Variants in CLCN6 observed in about 807,000 individuals in gnomAD.
CLCN6 encodes the protein Cl-/H+ antiporter 6.
CLCN6 carries 70 observed loss-of-function variants against 109.8 expected under a neutral mutation model. The ratio of observed to expected loss-of-function variants is 0.64; its 90% CI spans 0.53 to 0.78. The LOEUF (loss-of-function observed/expected upper bound fraction) is 0.78. Among genes scored for constraint, CLCN6 ranks in the 30% least tolerant of loss-of-function variants. The probability of loss-of-function intolerance (pLI) is 0.00; values close to 1 mark genes in which losing one functional copy is unlikely to be tolerated. For missense variants in CLCN6, 984 were observed against 1,142.3 expected (o/e 0.86, Z 2.00); for synonymous variants, 444 against 447.8 (o/e 0.99, Z 0.11).
At position 11,838,557 on chromosome 1, in the gene CLCN6, C is replaced by G. The variant is rs1038441546; in HGVS notation, c.2426C>G (p.Pro809Arg). The change falls in exon 22 of 23, where the codon CCT (proline) becomes CGT (arginine). Residue 809 changes from proline (P) to arginine (R), a missense_variant. Transcript: ENST00000346436. ...CAGGATGTCACCCCATACATGAACC[C>G]TTCGCCTTTCACCGTCTCGCCCAAC... Reference protein sequence around the residue: ...MIVDVTPYMNPSPFTVSPNTH... With the variant: ...MIVDVTPYMNRSPFTVSPNTH... 10 of 1,611,216 alleles carry G rather than the reference C, an allele frequency of 6.2e-6. No homozygotes were observed. The highest frequency in any genetic ancestry group is 8.5e-6 in the Non-Finnish European group (10 of 1,177,642).
At chr1:11,838,808 C>A in intron 22 of CLCN6, 148 bp downstream of exon 22, 2 of 1,157,722 alleles carry the variant, frequency 1.7e-6, no homozygotes, top group Non-Finnish European at 2.6e-6. Flanking sequence ...CCCTGCTCGG[C>A]TTCCGTGCAC....
intron 2 of CLCN6, among the ~76,000 whole-genome samples, chr1:11,814,037 G>A (rs1644637082): frequency 1.3e-5 from 2 of 151,980 alleles, no homozygotes; most frequent in Non-Finnish European, 2.9e-5. Flanking sequence ...GGTACTCCAG[G>A]ACTCATAAAA....
At position 11,819,553 on chromosome 1, in the gene CLCN6, A is replaced by T. The variant is rs751537921; in HGVS notation, c.345A>T (p.Thr115=). The T allele has an allele frequency of 1.9e-6, 3 of 1,613,950 alleles. No individual in the cohort carries two copies. In the East Asian group the frequency reaches 6.7e-5, roughly 36 times the overall value. ...AACTCAAGTTCGGAGTGGTACAGAC[A>T]TGTATCCTTTTCACGGTTCCTGGTG... ...FTQLKFGVVQ[T]SVEECSQKGC... The change falls in exon 5 of 23, where the codon ACA becomes ACT. Residue 115 remains threonine, a splice_region_variant and synonymous_variant. Transcript: ENST00000346436.
Position 11,834,418 on chromosome 1 carries a change from C to T in CLCN6, c.1686+23C>T, listed in dbSNP as rs1557432764. The T allele has an allele frequency of 6.2e-7, 1 of 1,613,184 alleles. No homozygotes were observed. The highest frequency in any genetic ancestry group is 1.1e-5 in the South Asian group (1 of 91,018). On this transcript the variant is annotated intron_variant, in intron 16 of 22. Transcript: ENST00000346436. This position sits in a 1 kb window ranked among gnomAD's most constrained non-coding sequence, Gnocchi z 4.5. ...ATGGTGAGCACACTCCCTCCAGGCC[C>T]CTGTCAGGCTCAGGGCCACGTCCGC...
Position 11,837,067 on chromosome 1 carries a change from C to T in CLCN6, c.2049C>T (p.Ser683=). 1 of 1,613,466 alleles carries T rather than the reference C, an allele frequency of 6.2e-7. No individual in the cohort carries two copies. Among genetic ancestry groups the T allele is most frequent in the South Asian group, 1.1e-5 (1 of 91,086 alleles). The change falls in exon 19 of 23, where the codon TCC becomes TCT. Residue 683 remains serine, a synonymous_variant. Coordinates refer to ENST00000346436, the MANE Select transcript of CLCN6 (RefSeq NM_001286.5). ...GCCAGTCCATGAAGTCCTACCCATCCAGCGAGCTACGGAACATGTGTGATG... is the reference window on the plus strand; with the variant it reads ...GCCAGTCCATGAAGTCCTACCCATCTAGCGAGCTACGGAACATGTGTGATG... ...KRSQSMKSYP[S]SELRNMCDEH...
chr1:11,834,492 A>G lies in CLCN6; in HGVS notation c.1695A>G (p.Lys565=). The change falls in exon 17 of 23, where the codon AAA becomes AAG. Residue 565 remains lysine (K), a synonymous_variant. Coordinates refer to ENST00000346436, the MANE Select transcript of CLCN6 (RefSeq NM_001286.5). The surrounding 1 kb of genome is among the most constrained non-coding windows in gnomAD (Gnocchi z 4.5). Reference sequence around the variant, plus strand: ...TTTGCTTTGTGTTTCAGGTGGCCAAATGGACAGGGGACTTTTTCAATAAGG... The same window carrying G: ...TTTGCTTTGTGTTTCAGGTGGCCAAGTGGACAGGGGACTTTTTCAATAAGG... ...LPIMVTLMVA[K]WTGDFFNKGI... 1 of 1,614,094 alleles carries G rather than the reference A, an allele frequency of 6.2e-7. No homozygotes were observed. The highest frequency in any genetic ancestry group is 1.3e-5 in the African/African-American group (1 of 75,024).
intron 13 of CLCN6, among the ~76,000 whole-genome samples, chr1:11,831,115 G>A (rs1049178323): frequency 3.3e-5 from 5 of 151,800 alleles, no homozygotes; most frequent in Non-Finnish European, 7.4e-5. Flanking sequence ...TTACAGGTGT[G>A]TCACCACGCC....
chr1:11,809,417 G>A (rs993540844), intron 2 of CLCN6, among the ~76,000 whole-genome samples: 1 of 152,056 alleles, frequency 6.6e-6, no homozygotes, highest in African/African-American at 2.4e-5. Context: ...TAATGTGCTT[G>A]CCTTCAGCTG....
intron 20 of CLCN6, among the ~76,000 whole-genome samples, chr1:11,837,730 G>A (rs937278659): frequency 2.9e-4 from 44 of 152,164 alleles, no homozygotes; most frequent in African/African-American, 8.7e-4. Flanking sequence ...CCAGGGCAGC[G>A]CTCCCTGGCT....
At position 11,838,527 on chromosome 1, in the gene CLCN6, C is replaced by T. The variant is rs760622022; in HGVS notation, c.2404-8C>T. 1 of 1,607,506 alleles carries T rather than the reference C, an allele frequency of 6.2e-7. No individual in the cohort carries two copies. Among genetic ancestry groups the T allele is most frequent in the Non-Finnish European group, 8.5e-7 (1 of 1,174,534 alleles). On this transcript the variant is annotated splice_polypyrimidine_tract_variant and splice_region_variant and intron_variant, in intron 21 of 22. Coordinates refer to ENST00000346436, the MANE Select transcript of CLCN6 (RefSeq NM_001286.5). Reference sequence around the variant, plus strand: ...TCAGGCAGTCAGTGACACGTGGTCTCTTTGCAGGATGTCACCCCATACATG... The same window carrying T: ...TCAGGCAGTCAGTGACACGTGGTCTTTTTGCAGGATGTCACCCCATACATG...
At position 11,827,048 on chromosome 1, in the gene CLCN6, G is replaced by C. The variant is rs556919677; in HGVS notation, c.708-41G>C. 412 of 1,605,322 alleles carry C rather than the reference G, an allele frequency of 2.6e-4. 6 individuals carry two copies. The South Asian group carries it at 4.4e-3, about 17-fold the overall frequency. ...GTCAGAAACCACCTTTTGGGGGCTG[G>C]GGGCTCTTTATTGGATAACCCGTCT... On this transcript the variant is annotated intron_variant, in intron 9 of 22. Coordinates refer to ENST00000346436, the MANE Select transcript of CLCN6 (RefSeq NM_001286.5).
At chr1:11,807,221 A>G (rs1387260307) in intron 2 of CLCN6, 31 bp downstream of exon 2, 9 of 1,591,996 alleles carry the variant, frequency 5.7e-6, no homozygotes, top group Non-Finnish European at 6.9e-6. Context: ...TTGGGCAACT[A>G]AAGTAGTGAG....
intron 3 of CLCN6, 35 bp from the exon 4 acceptor site, chr1:11,816,580 C>CT: frequency 6.3e-7 from 1 of 1,595,148 alleles, no homozygotes; most frequent in Non-Finnish European, 8.6e-7. Flanking sequence ...CACCATAACC[C>CT]TGTAAACTGA....
At chr1:11,809,401 C>G (rs1046343564) in intron 2 of CLCN6, among the ~76,000 whole-genome samples, 1 of 152,146 alleles carries the variant, frequency 6.6e-6, no homozygotes, top group East Asian at 1.9e-4. Flanking sequence ...ATTGTACTTA[C>G]ATTTGTAATG....
At chr1:11,816,007 T>G in intron 3 of CLCN6, 96 bp downstream of exon 3, 1 of 929,168 alleles carries the variant, frequency 1.1e-6, no homozygotes, top group Non-Finnish European at 1.8e-6. Flanking sequence ...CTTTACACCT[T>G]GTTTTTTGAA....
In CLCN6 at chr1:11,825,679, A is replaced by G. The variant is rs528115115; in HGVS notation, c.649-477A>G. Among the ~76,000 whole-genome samples, 8 of 152,184 alleles carry G rather than the reference A, an allele frequency of 5.3e-5. No individual in the cohort carries two copies. In the East Asian group the frequency reaches 1.4e-3, roughly 26 times the overall value. ...ACTCTGTTGCCCAGGCTGGAGTGCG[A>G]TGGTGCCATCTCTGCTCACTACAGC... On this transcript the variant is annotated intron_variant, in intron 8 of 22. Transcript: ENST00000346436.
Position 11,833,871 on chromosome 1 carries a change from T to C in CLCN6, c.1373-6T>C, listed in dbSNP as rs1644910043. 6.2e-7 allele frequency: 1 copy of C among 1,608,076 alleles called. No individual in the cohort carries two copies. Among genetic ancestry groups the C allele is most frequent in the Non-Finnish European group, 8.5e-7 (1 of 1,177,356 alleles). The stretch of plus-strand genomic sequence containing the variant: ...AGTGGGACTCAGGTTGGCTCTTCCC[T>C]TGCAGGTACTTTCAGCCCCGTCACT... On this transcript the variant is annotated splice_polypyrimidine_tract_variant and splice_region_variant and intron_variant, in intron 14 of 22. Transcript: ENST00000346436.
Position 11,840,221 on chromosome 1 carries a change from T to C in CLCN6, c.2608T>C (p.Ter870ArgextTer58). ...ARLRQHYQTI[*>R] The stretch of plus-strand genomic sequence containing the variant: ...GCTGAGGCAGCACTACCAGACCATC[T>C]GACAGCCCAGCCCACCCTCTCCTGG... Residue 870 changes from the stop codon to arginine, a stop_lost, in exon 23 of 23, where the codon TGA (stop) becomes CGA (arginine). Transcript: ENST00000346436. 1 of 1,612,234 alleles carries C rather than the reference T, an allele frequency of 6.2e-7. No homozygotes were observed. Among genetic ancestry groups the C allele is most frequent in the Non-Finnish European group, 8.5e-7 (1 of 1,179,772 alleles).
At chr1:11,808,152 C>G (rs1391227770) in intron 2 of CLCN6, among the ~76,000 whole-genome samples, 3 of 151,828 alleles carry the variant, frequency 2.0e-5, no homozygotes, top group Non-Finnish European at 2.9e-5. Context: ...CAAGCCCAGT[C>G]TTCTTTTGTC....
Sources: allele counts gnomAD v4.1 joint callset (sites outside exome capture counted in the v4.1 genomes callset), GRCh38; gene constraint gnomAD v4.1.1; non-coding constraint Gnocchi (gnomAD v3.1); transcripts MANE v1.5; gene names NCBI Gene and HGNC (gene_info 2026-07-23, HGNC 2026-07-21).